Variants in ABLIM2 observed in about 807,000 individuals in gnomAD.
ABLIM2 encodes the protein actin-binding LIM protein 2.
Under a neutral mutation model 97.7 loss-of-function variants are expected in ABLIM2, and 53 were observed. The observed-to-expected ratio is 0.54, with a 90% CI of 0.44 to 0.68. The LOEUF is 0.68. ABLIM2 is among the 30% of genes least tolerant of loss of function. ABLIM2 has a pLI of 0.00. For missense variants in ABLIM2, 835 were observed against 867.2 expected (o/e 0.96, Z 0.47); for synonymous variants, 361 against 345.8 (o/e 1.04, Z -0.49).
At chr4:8,090,673 T>C (rs535818362) in intron 3 of ABLIM2, among the ~76,000 whole-genome samples, 1 of 152,304 alleles carries the variant, frequency 6.6e-6, no homozygotes, top group African/African-American at 2.4e-5. Context: ...CCAGACACTG[T>C]GATTGTCACT....
chr4:7,966,214 G>C lies in ABLIM2; in HGVS notation c.*776C>G, dbSNP rs891919382. ...TGAAACCACACAGATCCGAGCGGTG[G>C]AGAATAAGGCTGGAGGCCGCTCCCC... On this transcript the variant is annotated 3_prime_UTR_variant, in exon 21 of 21. Transcript: ENST00000447017. The C allele has an allele frequency of 2.0e-5, 3 of 152,632 alleles. No individual in the cohort carries two copies. The highest frequency in any genetic ancestry group is 4.4e-5 in the Non-Finnish European group (3 of 68,062). 9.5% of individuals were successfully genotyped at this position (152,632 alleles called of 1,614,324 possible). A position where few individuals can be genotyped will look rare whatever the true frequency, so the allele number is the denominator to read the frequency against.
rs1336570148 is a variant in ABLIM2, at chr4:8,155,444, C to T, written c.10+3236G>A. The stretch of plus-strand genomic sequence containing the variant: ...TCCTTCCCTAAACCTTGGTTTCCCC[C>T]TTTGTGCAGGTGGGTGGGTTTGGGC... On this transcript the variant is annotated intron_variant, in intron 1 of 20. Transcript: ENST00000447017. The surrounding 1 kb of genome is among the most constrained non-coding windows in gnomAD (Gnocchi z 4.2). Among the ~76,000 whole-genome samples, 1 of 152,192 alleles carries T rather than the reference C, an allele frequency of 6.6e-6. No individual in the cohort carries two copies. The highest frequency in any genetic ancestry group is 1.5e-5 in the Non-Finnish European group (1 of 68,036).
intron 1 of ABLIM2, among the ~76,000 whole-genome samples, chr4:8,139,018 G>A (rs528388571): frequency 3.7e-4 from 57 of 152,334 alleles, no homozygotes; most frequent in African/African-American, 1.2e-3. Flanking sequence ...CCAACATGGC[G>A]AAACGCCGTC....
At position 8,147,537 on chromosome 4, in the gene ABLIM2, G is replaced by A. The variant is rs907540799; in HGVS notation, c.10+11143C>T. Among the ~76,000 whole-genome samples the A allele has an allele frequency of 3.3e-5, 5 of 152,194 alleles. No individual in the cohort carries two copies. Among genetic ancestry groups the A allele is most frequent in the Admixed American group, 1.3e-4 (2 of 15,282 alleles). On this transcript the variant is annotated intron_variant, in intron 1 of 20. Coordinates refer to ENST00000447017, the MANE Select transcript of ABLIM2 (RefSeq NM_001130083.2). The surrounding 1 kb of genome is among the most constrained non-coding windows in gnomAD (Gnocchi z 5.3). ...GCGGGCTCTGAGTGCAATCTCAAGA[G>A]TCCTTATGGGGAGGAGGGAGCGGGA...
chr4:7,982,177 G>A (rs1254696447), intron 20 of ABLIM2, among the ~76,000 whole-genome samples: 1 of 150,872 alleles, frequency 6.6e-6, no homozygotes, highest in Non-Finnish European at 1.5e-5. Context: ...CCGCCCCTCA[G>A]CGGCATCCAC....
At chr4:8,065,534 G>C (rs1334080242) in intron 6 of ABLIM2, among the ~76,000 whole-genome samples, 1 of 152,220 alleles carries the variant, frequency 6.6e-6, no homozygotes. Flanking sequence ...GTGGAAGACA[G>C]TGTATTGGTT....
chr4:8,105,379 T>G (rs1464783328), intron 2 of ABLIM2, among the ~76,000 whole-genome samples: 3 of 152,242 alleles, frequency 2.0e-5, no homozygotes, highest in African/African-American at 7.2e-5. Flanking sequence ...AATGTGTCCA[T>G]GCTAAAGCTT....
chr4:8,080,450 C>G (rs1309472204), intron 5 of ABLIM2, among the ~76,000 whole-genome samples: 1 of 152,186 alleles, frequency 6.6e-6, no homozygotes, highest in African/African-American at 2.4e-5. Context: ...CTGCAAATGC[C>G]GTTAGAGAAG....
chr4:7,972,870 A>T (rs942386469), intron 20 of ABLIM2, among the ~76,000 whole-genome samples: 2 of 152,118 alleles, frequency 1.3e-5, no homozygotes, highest in Admixed American at 6.6e-5. Flanking sequence ...CCCTCAGTCT[A>T]CCAGGACACA....
At chr4:8,066,522 G>A (rs375109732) in intron 6 of ABLIM2, 3 of 152,134 alleles carry the variant, frequency 2.0e-5, no homozygotes, top group Non-Finnish European at 4.4e-5. Context: ...GGTGTCCATC[G>A]TGGATGAAGA....
At chr4:7,994,304 T>G (rs1169168082) in intron 16 of ABLIM2, among the ~76,000 whole-genome samples, 1 of 26,716 alleles carries the variant, frequency 3.7e-5, no homozygotes, top group Admixed American at 4.7e-4. Flanking sequence ...TGTGTCCATG[T>G]GATCTCATTG....
At chr4:8,078,119 C>T (rs1433151897) in intron 5 of ABLIM2, among the ~76,000 whole-genome samples, 3 of 152,184 alleles carry the variant, frequency 2.0e-5, no homozygotes, top group Admixed American at 6.5e-5. Context: ...ACAGTAAGGG[C>T]ACCCACATTG....
chr4:7,983,334 T>C lies in ABLIM2; in HGVS notation c.1754A>G (p.Tyr585Cys). The change falls in exon 20 of 21, where the codon TAT (tyrosine) becomes TGT (cysteine). Residue 585 changes from tyrosine (Y) to cysteine (C), a missense_variant. Transcript: ENST00000447017. The part of the protein sequence containing the change: ...WGMREYKIYP[Y>C]DSLIVTNRIR... The stretch of plus-strand genomic sequence containing the variant: ...TCGGTTTGTGACGATGAGGGAGTCA[T>C]ACGGATAGATCTGTTGGGGGAGGAA... 6.2e-7 allele frequency: 1 copy of C among 1,612,010 alleles called. No homozygotes were observed. The highest frequency in any genetic ancestry group is 8.5e-7 in the Non-Finnish European group (1 of 1,179,308).
rs1812569365 is a variant in ABLIM2, at chr4:8,072,034, G to T, written c.675+5594C>A. 1.0e-6 allele frequency: 1 copy of T among 985,318 alleles called. No individual in the cohort carries two copies. The allele number at this position is 985,318 out of a possible 1,614,324, so 61.0% of individuals were successfully genotyped here. On this transcript the variant is annotated intron_variant, in intron 6 of 20. Coordinates refer to ENST00000447017, the MANE Select transcript of ABLIM2 (RefSeq NM_001130083.2). The surrounding 1 kb of genome is among the most constrained non-coding windows in gnomAD (Gnocchi z 5.8). ...CCGCAGTTCCCACCTTGCACCCGGGGAGGATGCTCAGAGCTGTGCAGAGCC... is the reference window on the plus strand; with the variant it reads ...CCGCAGTTCCCACCTTGCACCCGGGTAGGATGCTCAGAGCTGTGCAGAGCC...
chr4:8,158,328 G>A (rs1165739752), intron 1 of ABLIM2, among the ~76,000 whole-genome samples: 4 of 152,116 alleles, frequency 2.6e-5, no homozygotes, highest in Admixed American at 6.5e-5. Flanking sequence ...CCGGCCCTTC[G>A]CCCGGACCCC....
At chr4:7,985,685 C>A (rs1935912649) in intron 17 of ABLIM2, among the ~76,000 whole-genome samples, 1 of 152,186 alleles carries the variant, frequency 6.6e-6, no homozygotes, top group South Asian at 2.1e-4. Context: ...AGTACCCATA[C>A]AGGGTGGCTG....
At chr4:8,107,863 G>A (rs1402836446) in intron 1 of ABLIM2, among the ~76,000 whole-genome samples, 4 of 152,164 alleles carry the variant, frequency 2.6e-5, no homozygotes, top group South Asian at 4.1e-4. Flanking sequence ...ATCATTATGC[G>A]GCTGTGGCCA....
chr4:8,077,606 G>A (rs761586557), intron 6 of ABLIM2, 22 bp downstream of exon 6: 3 of 1,586,418 alleles, frequency 1.9e-6, no homozygotes, highest in South Asian at 2.3e-5. Flanking sequence ...GAGCGGGCAG[G>A]GGCCCGGCCC....
intron 12 of ABLIM2, among the ~76,000 whole-genome samples, chr4:8,027,447 G>A (rs1326938288): frequency 6.6e-6 from 1 of 152,236 alleles, no homozygotes; most frequent in Non-Finnish European, 1.5e-5. Flanking sequence ...AATCAGAGGT[G>A]GTGACTTGGG....
Sources: allele counts gnomAD v4.1 joint callset (sites outside exome capture counted in the v4.1 genomes callset), GRCh38; gene constraint gnomAD v4.1.1; non-coding constraint Gnocchi (gnomAD v3.1); transcripts MANE v1.5; gene names NCBI Gene and HGNC (gene_info 2026-07-23, HGNC 2026-07-21).